COL24A1: variants seen among roughly 807,000 people sequenced by gnomAD.
COL24A1 encodes the protein collagen alpha-1(XXIV) chain.
COL24A1 carries 224 observed loss-of-function variants against 253.9 expected under a neutral mutation model. The ratio of observed to expected loss-of-function variants is 0.88; its 90% CI spans 0.79 to 0.99. The LOEUF (loss-of-function observed/expected upper bound fraction) is 0.99, where lower values mean the gene tolerates loss of function less well. COL24A1 is among the 50% of genes least tolerant of loss of function. The pLI is 0.00. For synonymous variants in COL24A1, 685 were observed against 673.7 expected (o/e 1.02, Z -0.26); for missense variants, 2,131 against 2,068.5 (o/e 1.03, Z -0.59).
intron 13 of COL24A1, 111 bp downstream of exon 13, chr1:86,033,759 T>C: frequency 1.0e-6 from 1 of 977,368 alleles, no homozygotes; most frequent in Non-Finnish European, 1.5e-6. Flanking sequence ...GTGTGGAGAT[T>C]GTTTTTCCAA....
chr1:85,961,749 GAAGC>G (rs1320631891), intron 23 of COL24A1, among the ~76,000 whole-genome samples: 1 of 152,186 alleles, frequency 6.6e-6, no homozygotes, highest in Non-Finnish European at 1.5e-5. Context: ...AGGTAAAGGG[GAAGC>G]AAGCACAACT....
intron 24 of COL24A1, among the ~76,000 whole-genome samples, chr1:85,925,850 G>T (rs1404025230): frequency 2.6e-5 from 4 of 152,106 alleles, no homozygotes; most frequent in Non-Finnish European, 5.9e-5. Context: ...AAGAGCTTCT[G>T]CACAGAAAAA....
chr1:86,146,773 T>C (rs192543978), intron 1 of COL24A1, among the ~76,000 whole-genome samples: 12 of 152,162 alleles, frequency 7.9e-5, no homozygotes, highest in Admixed American at 2.6e-4. Flanking sequence ...GATGTCAACA[T>C]TGAGCATTTT....
At chr1:85,776,642 T>A (rs1180588810) in intron 52 of COL24A1, among the ~76,000 whole-genome samples, 1 of 151,938 alleles carries the variant, frequency 6.6e-6, no homozygotes, top group African/African-American at 2.4e-5. Context: ...TATGATAATA[T>A]TTTAAATTTG....
At chr1:86,003,176 G>A (rs983042474) in intron 19 of COL24A1, among the ~76,000 whole-genome samples, 2 of 152,118 alleles carry the variant, frequency 1.3e-5, no homozygotes, top group African/African-American at 4.8e-5. Context: ...TATGCTTTTT[G>A]AGAAACAGTT....
rs1307935962 is a variant in COL24A1 at position 85,937,547 on chromosome 1, T to G, written c.2562+23702A>C. Among the ~76,000 whole-genome samples the G allele has an allele frequency of 2.7e-5, 4 of 147,642 alleles. 1 individual carries two copies. The highest frequency in any genetic ancestry group is 9.9e-5 in the African/African-American group (4 of 40,244). On this transcript the variant is annotated intron_variant, in intron 24 of 59. Coordinates refer to ENST00000370571, the MANE Select transcript of COL24A1 (RefSeq NM_152890.7). ...AGGTAGATTTAATGACTCAGAAAGC[T>G]GACATCAGCAAGCCTTGATCATCAG... is the stretch of plus-strand genomic sequence containing the variant.
chr1:85,995,812 G>A (rs1694737541), intron 19 of COL24A1, among the ~76,000 whole-genome samples: 1 of 152,108 alleles, frequency 6.6e-6, no homozygotes, highest in African/African-American at 2.4e-5. Flanking sequence ...TTGTTTAGAA[G>A]TGTGTGGCAC....
chr1:85,845,777 A>G (rs183178476), intron 39 of COL24A1, among the ~76,000 whole-genome samples: 1 of 152,056 alleles, frequency 6.6e-6, no homozygotes, highest in East Asian at 1.9e-4. Context: ...AATACTAAGA[A>G]TAAACTTAAC....
intron 2 of COL24A1, among the ~76,000 whole-genome samples, chr1:86,133,461 C>T (rs1258674151): frequency 5.9e-5 from 9 of 152,144 alleles, no homozygotes; most frequent in African/African-American, 1.9e-4. Flanking sequence ...CAGTTTTTCC[C>T]ATTCAGTAGA....
chr1:85,888,991 A>G (rs1043174671), intron 32 of COL24A1, among the ~76,000 whole-genome samples: 8 of 152,128 alleles, frequency 5.3e-5, no homozygotes, highest in Non-Finnish European at 1.0e-4. Flanking sequence ...AATAAATTGT[A>G]AGAAAGTAGG....
chr1:85,821,955 A>C (rs1168037446), intron 45 of COL24A1, among the ~76,000 whole-genome samples: 1 of 152,234 alleles, frequency 6.6e-6, no homozygotes, highest in East Asian at 1.9e-4. Context: ...TGTTGGACAG[A>C]ACTTGCATTC....
At chr1:85,786,941 C>T (rs1250462883) in intron 47 of COL24A1, among the ~76,000 whole-genome samples, 1 of 152,170 alleles carries the variant, frequency 6.6e-6, no homozygotes, top group Non-Finnish European at 1.5e-5. Context: ...AAAACTAAAT[C>T]CTAAATCAGG....
chr1:85,895,335 C>G (rs1683567433), intron 31 of COL24A1, among the ~76,000 whole-genome samples: 1 of 152,012 alleles, frequency 6.6e-6, no homozygotes, highest in South Asian at 2.1e-4. Flanking sequence ...ACACACAGCT[C>G]TATACTCCAA....
chr1:85,936,882 TAG>T (rs1412780080), intron 24 of COL24A1, among the ~76,000 whole-genome samples: 1 of 147,408 alleles, frequency 6.8e-6, no homozygotes, highest in African/African-American at 2.5e-5. Flanking sequence ...GTAGCCTTAG[TAG>T]AGTCTGGGCA....
At chr1:85,867,677 T>C (rs1679946430) in intron 37 of COL24A1, among the ~76,000 whole-genome samples, 1 of 141,150 alleles carries the variant, frequency 7.1e-6, no homozygotes, top group Non-Finnish European at 1.6e-5. Context: ...CCAGATAGGC[T>C]GTATCTGGAA....
At chr1:86,140,080 T>C (rs1650851656) in intron 2 of COL24A1, among the ~76,000 whole-genome samples, 1 of 152,236 alleles carries the variant, frequency 6.6e-6, no homozygotes, top group Non-Finnish European at 1.5e-5. Context: ...CCCCTTCTTC[T>C]AATCAAAGTT....
intron 24 of COL24A1, among the ~76,000 whole-genome samples, chr1:85,958,398 C>T (rs483498): frequency 0.55 from 84,221 of 152,000 alleles, 24,357 homozygotes; most frequent in African/African-American, 0.7. Context: ...TCACAGTTTA[C>T]ATATTTCTTT....
intron 14 of COL24A1, 70 bp from the exon 15 acceptor site, chr1:86,023,077 T>C: frequency 6.9e-7 from 1 of 1,452,150 alleles, no homozygotes; most frequent in Non-Finnish European, 9.5e-7. Context: ...GTGGCAGAAT[T>C]AATAAATTAA....
intron 2 of COL24A1, among the ~76,000 whole-genome samples, chr1:86,140,624 C>A (rs11161751): frequency 2.0e-5 from 3 of 152,144 alleles, no homozygotes; most frequent in Non-Finnish European, 4.4e-5. Context: ...GGTTTTCACA[C>A]CTAGGGATCA....
Sources: gnomAD v4.1 joint callset for allele counts (sites outside exome capture counted in the v4.1 genomes callset) on GRCh38, gnomAD v4.1.1 for gene constraint, MANE v1.5 for transcripts, NCBI Gene and HGNC (gene_info 2026-07-23, HGNC 2026-07-21) for gene names.